Variants in SDCCAG8 observed in about 807,000 individuals in gnomAD.
The protein encoded by SDCCAG8 is serologically defined colon cancer antigen 8.
Under a neutral mutation model 101.8 loss-of-function variants are expected in SDCCAG8, and 74 were observed. The ratio of observed to expected loss-of-function variants is 0.73; its 90% CI spans 0.60 to 0.88. SDCCAG8 has a LOEUF of 0.88. Among genes scored for constraint, SDCCAG8 ranks in the 40% least tolerant of loss-of-function variants. The pLI, the probability that SDCCAG8 is intolerant of heterozygous loss-of-function variation, is 0.00. For missense variants in SDCCAG8, 787 were observed against 822.6 expected (o/e 0.96, Z 0.53); for synonymous variants, 281 against 292.9 (o/e 0.96, Z 0.41).
At chr1:243,305,719 T>G (rs945774995) in intron 7 of SDCCAG8, 2 of 152,144 alleles carry the variant, frequency 1.3e-5, no homozygotes, top group African/African-American at 4.8e-5. Flanking sequence ...ATAATTTTAT[T>G]TTAATAAGTC....
chr1:243,304,694 C>CTAT lies in SDCCAG8; in HGVS notation c.676-17_676-15dup. 7.5e-7 allele frequency: 1 copy of CTAT among 1,338,878 alleles called. No individual in the cohort carries two copies. Among genetic ancestry groups the CTAT allele is most frequent in the Non-Finnish European group, 1.1e-6 (1 of 930,528 alleles). The allele number at this position is 1,338,878 out of a possible 1,614,324, so 82.9% of individuals were successfully genotyped here. A position where few individuals can be genotyped will look rare whatever the true frequency, so the allele number is the denominator to read the frequency against. The stretch of plus-strand genomic sequence containing the variant: ...ACAGGACATAGAGAAAAATGTACTT[C>CTAT]TATTTTTCTTTTCTATAGGAGAAGC... On this transcript the variant is annotated intron_variant, in intron 6 of 17. Coordinates refer to ENST00000366541, the MANE Select transcript of SDCCAG8 (RefSeq NM_006642.5).
intron 12 of SDCCAG8, among the ~76,000 whole-genome samples, chr1:243,356,036 G>C (rs759640437): frequency 6.6e-6 from 1 of 152,134 alleles, no homozygotes; most frequent in African/African-American, 2.4e-5. Flanking sequence ...TAAATTTATC[G>C]TAGAACTGTA....
chr1:243,495,321 G>T (rs1347900480), intron 17 of SDCCAG8, among the ~76,000 whole-genome samples: 1 of 152,228 alleles, frequency 6.6e-6, no homozygotes, highest in Non-Finnish European at 1.5e-5. Context: ...CTGCAAGGCG[G>T]CCTTCTCTGT....
intron 17 of SDCCAG8, among the ~76,000 whole-genome samples, chr1:243,493,571 T>C (rs575904074): frequency 1.3e-5 from 2 of 152,132 alleles, no homozygotes; most frequent in East Asian, 3.9e-4. Flanking sequence ...GTCTGCAGTG[T>C]TCAATCTGGG....
chr1:243,444,505 G>T (rs2082766987), intron 16 of SDCCAG8, among the ~76,000 whole-genome samples: 1 of 151,894 alleles, frequency 6.6e-6, no homozygotes, highest in South Asian at 2.1e-4. Flanking sequence ...CTGAGTAGCT[G>T]GGACTACAGG....
chr1:243,343,367 A>T (rs1156914615), intron 11 of SDCCAG8, among the ~76,000 whole-genome samples: 1 of 152,146 alleles, frequency 6.6e-6, no homozygotes, highest in Non-Finnish European at 1.5e-5. Flanking sequence ...AAAGGCCCAT[A>T]ATTTGCTTGT....
Position 243,268,211 on chromosome 1 carries a change from C to G in SDCCAG8, c.68-1894C>G, listed in dbSNP as rs77310732. On this transcript the variant is annotated intron_variant, in intron 1 of 17. Coordinates refer to ENST00000366541, the MANE Select transcript of SDCCAG8 (RefSeq NM_006642.5). Reference sequence around the variant, plus strand: ...TTTATGTTAGTCAAACTGTCTCGTTCCTTTCTAATAGATTCAATAAAGATA... The same window carrying G: ...TTTATGTTAGTCAAACTGTCTCGTTGCTTTCTAATAGATTCAATAAAGATA... The G allele has an allele frequency of 6.8e-3, 3,267 of 481,570 alleles. 91 individuals carry two copies. The highest frequency in any genetic ancestry group is 0.057 in the African/African-American group (2,909 of 51,408). 29.8% of individuals were successfully genotyped at this position (481,570 alleles called of 1,614,324 possible).
intron 1 of SDCCAG8, among the ~76,000 whole-genome samples, chr1:243,265,226 G>A: frequency 6.6e-6 from 1 of 152,334 alleles, no homozygotes; most frequent in African/African-American, 2.4e-5. Context: ...GTTTTGAAAT[G>A]TAGCGTTGAA....
chr1:243,273,234 T>C (rs1003231114), intron 3 of SDCCAG8, among the ~76,000 whole-genome samples: 14 of 152,208 alleles, frequency 9.2e-5, no homozygotes, highest in African/African-American at 3.1e-4. Context: ...TACTTGATTA[T>C]CATTTAAAAT....
At chr1:243,396,550 C>G (rs1436241904) in intron 13 of SDCCAG8, among the ~76,000 whole-genome samples, 5 of 152,170 alleles carry the variant, frequency 3.3e-5, no homozygotes, top group Non-Finnish European at 7.3e-5. Context: ...AATTGGAATA[C>G]TCTCTCCCTT....
intron 1 of SDCCAG8, among the ~76,000 whole-genome samples, chr1:243,261,210 C>A (rs2067170224): frequency 6.6e-6 from 1 of 152,012 alleles, no homozygotes; most frequent in African/African-American, 2.4e-5. Flanking sequence ...TCTTTTCCTC[C>A]CTCTTTTCTT....
At chr1:243,422,012 G>A (rs750580648) in intron 15 of SDCCAG8, among the ~76,000 whole-genome samples, 8 of 152,192 alleles carry the variant, frequency 5.3e-5, no homozygotes, top group Non-Finnish European at 8.8e-5. Context: ...GAAGGATTGG[G>A]TGCTGGCAGG....
chr1:243,445,811 A>C (rs766090279), intron 16 of SDCCAG8, among the ~76,000 whole-genome samples: 3 of 152,196 alleles, frequency 2.0e-5, no homozygotes, highest in Non-Finnish European at 4.4e-5. Flanking sequence ...CTAATTGGAC[A>C]AACTTTTTGT....
At chr1:243,322,769 C>A (rs2073857791) in intron 9 of SDCCAG8, among the ~76,000 whole-genome samples, 1 of 151,870 alleles carries the variant, frequency 6.6e-6, no homozygotes, top group Non-Finnish European at 1.5e-5. Context: ...GAAAATTAGG[C>A]CCAATCACAC....
intron 3 of SDCCAG8, among the ~76,000 whole-genome samples, chr1:243,272,999 T>A (rs900030610): frequency 6.6e-6 from 1 of 152,200 alleles, no homozygotes; most frequent in East Asian, 1.9e-4. Context: ...CAATATTGGC[T>A]TGAGCTTTTT....
chr1:243,291,992 G>C (rs2070314792), intron 5 of SDCCAG8, among the ~76,000 whole-genome samples: 1 of 152,086 alleles, frequency 6.6e-6, no homozygotes, highest in South Asian at 2.1e-4. Context: ...TGCTATTACT[G>C]GTTTATTATT....
chr1:243,366,309 T>C (rs1007879923), intron 12 of SDCCAG8, among the ~76,000 whole-genome samples: 6 of 152,016 alleles, frequency 3.9e-5, no homozygotes, highest in African/African-American at 1.4e-4. Flanking sequence ...GTGTGGTTTT[T>C]ATATTTAGTC....
intron 9 of SDCCAG8, among the ~76,000 whole-genome samples, chr1:243,329,841 C>T (rs1489407276): frequency 6.6e-6 from 1 of 152,050 alleles, no homozygotes; most frequent in Non-Finnish European, 1.5e-5. Context: ...TTTTTTATTT[C>T]TGGAAATGCA....
intron 12 of SDCCAG8, among the ~76,000 whole-genome samples, chr1:243,345,635 T>G (rs1355985727): frequency 6.6e-6 from 1 of 152,202 alleles, no homozygotes; most frequent in Non-Finnish European, 1.5e-5. Context: ...TACAGCATTC[T>G]GACAGCATAA....
Sources: gnomAD v4.1 joint callset for allele counts (sites outside exome capture counted in the v4.1 genomes callset) on GRCh38, gnomAD v4.1.1 for gene constraint, MANE v1.5 for transcripts, NCBI Gene and HGNC (gene_info 2026-07-23, HGNC 2026-07-21) for gene names.